NEGR1: variants seen among roughly 807,000 people sequenced by gnomAD.
NEGR1 encodes the protein IgLON family member 4.
Under a neutral mutation model 40.9 loss-of-function variants are expected in NEGR1, and 10 were observed. The ratio of observed to expected loss-of-function variants is 0.24; its 90% CI spans 0.15 to 0.42. The LOEUF (loss-of-function observed/expected upper bound fraction) is 0.42, where lower values mean the gene tolerates loss of function less well. NEGR1 is among the 10% of genes least tolerant of loss of function. NEGR1 has a pLI of 1.00. For missense variants in NEGR1, 352 were observed against 438.9 expected, an observed-to-expected ratio of 0.80 and a Z score of 1.77; for synonymous variants, 185 against 166.8, an observed-to-expected ratio of 1.11 and a Z score of -0.84.
At chr1:71,809,098 G>C (rs1031103012) in intron 2 of NEGR1, among the ~76,000 whole-genome samples, 1 of 152,224 alleles carries the variant, frequency 6.6e-6, no homozygotes, top group South Asian at 2.1e-4. Flanking sequence ...AGCAGCACGG[G>C]GGGGCACTGA....
intron 2 of NEGR1, among the ~76,000 whole-genome samples, chr1:71,884,427 T>C (rs559987492): frequency 7.2e-4 from 109 of 152,318 alleles, no homozygotes; most frequent in Non-Finnish European, 1.2e-3. Context: ...ATTCAAATAT[T>C]AGTTCATTTG....
At chr1:72,163,016 T>C (rs1469675766) in intron 1 of NEGR1, among the ~76,000 whole-genome samples, 11 of 152,078 alleles carry the variant, frequency 7.2e-5, no homozygotes, top group Non-Finnish European at 4.4e-5. Flanking sequence ...TTTAAAAAAA[T>C]AGATTTAGGT....
At chr1:71,820,139 C>A (rs1202095457) in intron 2 of NEGR1, among the ~76,000 whole-genome samples, 1 of 151,812 alleles carries the variant, frequency 6.6e-6, no homozygotes, top group Non-Finnish European at 1.5e-5. Context: ...AAATTCTGAC[C>A]CACAGATGGT....
At chr1:71,845,358 A>G (rs1054271115) in intron 2 of NEGR1, among the ~76,000 whole-genome samples, 2 of 152,116 alleles carry the variant, frequency 1.3e-5, no homozygotes, top group African/African-American at 4.8e-5. Flanking sequence ...AATTAAAGTT[A>G]TTATTATATT....
At chr1:71,529,230 G>A (rs12066046) in intron 6 of NEGR1, among the ~76,000 whole-genome samples, 3,047 of 151,212 alleles carry the variant, frequency 0.02, 95 homozygotes, top group African/African-American at 0.07. Flanking sequence ...ATGGTTTGCC[G>A]AATTAATGTT....
chr1:72,026,104 C>A (rs1331734718), intron 1 of NEGR1, among the ~76,000 whole-genome samples: 1 of 84,564 alleles, frequency 1.2e-5, no homozygotes, highest in Non-Finnish European at 2.1e-5. Flanking sequence ...GAGCGAGACT[C>A]CGTCTCAAAA....
chr1:71,934,081 G>A (rs1645880698), intron 2 of NEGR1, among the ~76,000 whole-genome samples: 1 of 152,024 alleles, frequency 6.6e-6, no homozygotes, highest in Non-Finnish European at 1.5e-5. Context: ...AAACATGCAT[G>A]CTCTGGCACC....
At chr1:72,134,841 G>A (rs1230444039) in intron 1 of NEGR1, among the ~76,000 whole-genome samples, 4 of 151,022 alleles carry the variant, frequency 2.6e-5, no homozygotes, top group Admixed American at 1.3e-4. Context: ...GGGTTCAAGC[G>A]ATTCTCCTGC....
At chr1:71,610,971 A>C in intron 5 of NEGR1, 55 bp downstream of exon 5, 1 of 1,562,914 alleles carries the variant, frequency 6.4e-7, no homozygotes, top group African/African-American at 1.4e-5. Flanking sequence ...TATCTGAAAC[A>C]CAAGCACGTT....
chr1:71,468,975 T>C (rs1646765407), intron 6 of NEGR1: 1 of 152,020 alleles, frequency 6.6e-6, no homozygotes, highest in Admixed American at 6.6e-5. Flanking sequence ...AGATTGAAAA[T>C]CTGTTTGAAC....
chr1:72,212,953 T>C (rs1342403837), intron 1 of NEGR1, among the ~76,000 whole-genome samples: 2 of 151,766 alleles, frequency 1.3e-5, no homozygotes, highest in African/African-American at 4.8e-5. Flanking sequence ...CAGAGAAGAC[T>C]ATGTAAGCAA....
intron 2 of NEGR1, among the ~76,000 whole-genome samples, chr1:71,893,919 G>T (rs1660884419): frequency 5.1e-5 from 1 of 19,422 alleles, no homozygotes; most frequent in East Asian, 1.9e-3. Flanking sequence ...CATGTCCTTT[G>T]TAGGGACATG....
At chr1:72,183,083 C>T (rs560262549) in intron 1 of NEGR1, among the ~76,000 whole-genome samples, 26 of 152,160 alleles carry the variant, frequency 1.7e-4, no homozygotes, top group Admixed American at 4.6e-4. Flanking sequence ...AAGCCCCTCT[C>T]CTCCAGTACA....
At chr1:71,952,197 A>C (rs1222740872) in intron 1 of NEGR1, among the ~76,000 whole-genome samples, 8 of 152,020 alleles carry the variant, frequency 5.3e-5, no homozygotes, top group African/African-American at 1.9e-4. Context: ...AAAAGACAAG[A>C]CAGGTTAAAA....
chr1:71,509,975 T>C (rs375751027), intron 6 of NEGR1, among the ~76,000 whole-genome samples: 273 of 152,296 alleles, frequency 1.8e-3, no homozygotes, highest in South Asian at 3.3e-3. Flanking sequence ...AATGTTGCAC[T>C]TTCATTCTCA....
intron 6 of NEGR1, among the ~76,000 whole-genome samples, chr1:71,543,492 T>A (rs544433210): frequency 2.0e-5 from 3 of 151,784 alleles, no homozygotes; most frequent in Non-Finnish European, 4.4e-5. Flanking sequence ...GACCATATCA[T>A]AATTTTTAAA....
intron 1 of NEGR1, among the ~76,000 whole-genome samples, chr1:72,157,393 A>C (rs1400437645): frequency 6.6e-6 from 1 of 152,234 alleles, no homozygotes; most frequent in Non-Finnish European, 1.5e-5. Flanking sequence ...AGATACATTT[A>C]GTATAAATGT....
chr1:71,467,681 A>C (rs1342937853), intron 6 of NEGR1, among the ~76,000 whole-genome samples: 4 of 150,506 alleles, frequency 2.7e-5, no homozygotes, highest in Non-Finnish European at 3.0e-5. Flanking sequence ...GAAACATTTT[A>C]TACTTTTGAC....
chr1:71,668,114 G>T (rs187737818), intron 4 of NEGR1, among the ~76,000 whole-genome samples: 1 of 152,060 alleles, frequency 6.6e-6, no homozygotes, highest in Non-Finnish European at 1.5e-5. Flanking sequence ...ATTTTCATTG[G>T]GTTTAACTAA....
Sources: allele counts gnomAD v4.1 joint callset (sites outside exome capture counted in the v4.1 genomes callset), GRCh38; gene constraint gnomAD v4.1.1; transcripts MANE v1.5; gene names NCBI Gene and HGNC (gene_info 2026-07-23, HGNC 2026-07-21).